The following CCSER1 variants were observed in gnomAD, a reference collection of about 807,000 sequenced individuals.
CCSER1 encodes coiled-coil serine rich protein 1, also known as serine-rich coiled-coil domain-containing protein 1.
CCSER1 carries 41 observed loss-of-function variants against 82.0 expected under a neutral mutation model. That is an observed-to-expected ratio of 0.50 (90% CI 0.39 to 0.65). The LOEUF (loss-of-function observed/expected upper bound fraction) is 0.65, where lower values mean the gene tolerates loss of function less well. CCSER1 is among the 30% of genes least tolerant of loss of function. The pLI is 0.00. For missense variants in CCSER1, 1,119 were observed against 1,064.2 expected (o/e 1.05, Z -0.72); for synonymous variants, 414 against 383.9 (o/e 1.08, Z -0.92).
chr4:91,576,367 A>G (rs1763453053), intron 10 of CCSER1, among the ~76,000 whole-genome samples: 1 of 152,012 alleles, frequency 6.6e-6, no homozygotes, highest in African/African-American at 2.4e-5. Context: ...ATAAAAACAG[A>G]GAGTAGAATG....
chr4:91,152,652 G>C (rs1002081627), intron 10 of CCSER1, among the ~76,000 whole-genome samples: 1 of 152,118 alleles, frequency 6.6e-6, no homozygotes, highest in Admixed American at 6.5e-5. Flanking sequence ...TGCAGTGGCT[G>C]GTACCAGTTG....
At chr4:91,014,662 CAA>C (rs1221579844) in intron 9 of CCSER1, among the ~76,000 whole-genome samples, 16 of 151,018 alleles carry the variant, frequency 1.1e-4, no homozygotes, top group East Asian at 2.0e-4. Context: ...TATTTTTTGA[CAA>C]AGTCTAAGCA....
At chr4:91,568,879 G>C (rs1763026824) in intron 10 of CCSER1, among the ~76,000 whole-genome samples, 1 of 151,976 alleles carries the variant, frequency 6.6e-6, no homozygotes, top group Non-Finnish European at 1.5e-5. Flanking sequence ...AAATCTTGTT[G>C]GAGAAATGGT....
intron 10 of CCSER1, among the ~76,000 whole-genome samples, chr4:91,291,135 G>A (rs779364294): frequency 3.2e-4 from 49 of 151,626 alleles, no homozygotes; most frequent in Non-Finnish European, 6.2e-4. Context: ...CACCCAAGAC[G>A]GTGCTGGCGT....
At chr4:90,654,278 A>T (rs1044900333) in intron 6 of CCSER1, among the ~76,000 whole-genome samples, 22 of 152,140 alleles carry the variant, frequency 1.4e-4, no homozygotes, top group Admixed American at 1.2e-3. Context: ...TAATATTAAG[A>T]TTTTGTTATC....
chr4:90,584,409 C>A (rs1303350741), intron 5 of CCSER1, among the ~76,000 whole-genome samples: 1 of 152,128 alleles, frequency 6.6e-6, no homozygotes, highest in African/African-American at 2.4e-5. Context: ...ACAGGAACTT[C>A]AAGGAAGCGT....
At chr4:91,547,774 G>A (rs1761963347) in intron 10 of CCSER1, among the ~76,000 whole-genome samples, 1 of 151,688 alleles carries the variant, frequency 6.6e-6, no homozygotes, top group Non-Finnish European at 1.5e-5. Flanking sequence ...ATTTTTCTGA[G>A]TTTTTTGTTT....
intron 9 of CCSER1, among the ~76,000 whole-genome samples, chr4:90,952,639 T>A (rs1733031948): frequency 6.6e-6 from 1 of 152,116 alleles, no homozygotes; most frequent in Non-Finnish European, 1.5e-5. Flanking sequence ...AATGTCATAG[T>A]CCTAGACACT....
At chr4:90,139,643 A>G (rs1439530264) in intron 1 of CCSER1, among the ~76,000 whole-genome samples, 6 of 152,188 alleles carry the variant, frequency 3.9e-5, no homozygotes, top group African/African-American at 1.4e-4. Flanking sequence ...GTGGATTCAG[A>G]ATAACAGGTG....
chr4:90,351,367 G>A lies in CCSER1; in HGVS notation c.1509+38320G>A, dbSNP rs181125316. On this transcript the variant is annotated intron_variant, in intron 3 of 10. Transcript: ENST00000509176. The stretch of plus-strand genomic sequence containing the variant: ...CCCCTTTTCATGTTTTATACCAAAA[G>A]GAATTCCAGAGAGAAGTCAAAATAT... Among the ~76,000 whole-genome samples, 243 of 152,196 alleles carry A rather than the reference G, an allele frequency of 1.6e-3. 1 individual carries two copies. Among genetic ancestry groups the A allele is most frequent in the African/African-American group, 5.5e-3 (227 of 41,540 alleles).
chr4:91,306,312 G>A (rs1172027722), intron 10 of CCSER1, among the ~76,000 whole-genome samples: 1 of 151,856 alleles, frequency 6.6e-6, no homozygotes, highest in Non-Finnish European at 1.5e-5. Context: ...GATCATATTT[G>A]AAGACTTAAA....
chr4:90,339,614 CT>C (rs1410338969), intron 3 of CCSER1, among the ~76,000 whole-genome samples: 2 of 152,050 alleles, frequency 1.3e-5, no homozygotes, highest in Non-Finnish European at 2.9e-5. Flanking sequence ...TGTCTTTGCA[CT>C]TGTAATTCTT....
intron 10 of CCSER1, among the ~76,000 whole-genome samples, chr4:91,546,365 T>C (rs1007476821): frequency 2.6e-5 from 4 of 152,118 alleles, no homozygotes; most frequent in Admixed American, 6.6e-5. Flanking sequence ...AGAAGTTTGA[T>C]AGAATTAGCC....
chr4:91,126,593 G>T (rs1727541075), intron 10 of CCSER1, among the ~76,000 whole-genome samples: 1 of 151,898 alleles, frequency 6.6e-6, no homozygotes, highest in Non-Finnish European at 1.5e-5. Flanking sequence ...AAATTCATGT[G>T]ATTTGATTTG....
chr4:91,141,950 A>G (rs1008174088), intron 10 of CCSER1, among the ~76,000 whole-genome samples: 1 of 151,990 alleles, frequency 6.6e-6, no homozygotes, highest in African/African-American at 2.4e-5. Flanking sequence ...TCTTTTAATG[A>G]TGTTACTTGT....
chr4:90,418,431 T>G (rs2153559516), intron 4 of CCSER1, among the ~76,000 whole-genome samples: 1 of 152,146 alleles, frequency 6.6e-6, no homozygotes, highest in Admixed American at 6.5e-5. Context: ...AACTAATTTT[T>G]ATCATTTATT....
chr4:90,305,387 T>C (rs1329350228), intron 1 of CCSER1, among the ~76,000 whole-genome samples: 1 of 152,170 alleles, frequency 6.6e-6, no homozygotes, highest in Non-Finnish European at 1.5e-5. Context: ...TTGATTATAT[T>C]CTAATTAGAG....
At chr4:91,055,923 G>A (rs1040194493) in intron 9 of CCSER1, among the ~76,000 whole-genome samples, 30 of 151,690 alleles carry the variant, frequency 2.0e-4, no homozygotes, top group African/African-American at 7.3e-4. Flanking sequence ...TAATTTCAAT[G>A]GTCCTGTCTT....
chr4:91,081,653 T>C (rs1722765688), intron 9 of CCSER1, among the ~76,000 whole-genome samples: 1 of 152,188 alleles, frequency 6.6e-6, no homozygotes, highest in South Asian at 2.1e-4. Flanking sequence ...TGATTGTATA[T>C]TTAGAAAACC....
Sources: allele counts gnomAD v4.1 joint callset (sites outside exome capture counted in the v4.1 genomes callset), GRCh38; gene constraint gnomAD v4.1.1; transcripts MANE v1.5; gene names NCBI Gene and HGNC (gene_info 2026-07-23, HGNC 2026-07-21).